The following OVCH1 variants were observed in gnomAD, a reference collection of about 807,000 sequenced individuals.
OVCH1 encodes the protein ovochymase 1, also known as ovochymase-1.
In OVCH1, 139 loss-of-function variants were observed where a neutral mutation model predicts 138.4. The ratio of observed to expected loss-of-function variants is 1.00; its 90% CI spans 0.87 to 1.16. OVCH1 has a LOEUF of 1.16. Ranked by LOEUF, OVCH1 falls within the 50% of genes most tolerant of loss-of-function variation. The pLI, the probability that OVCH1 is intolerant of heterozygous loss-of-function variation, is 0.00. For missense variants in OVCH1, 1,367 were observed against 1,357.9 expected (o/e 1.01, Z -0.11); for synonymous variants, 453 against 467.8 (o/e 0.97, Z 0.41).
At chr12:29,469,618 G>T (rs1275789087) in intron 16 of OVCH1, among the ~76,000 whole-genome samples, 1 of 151,946 alleles carries the variant, frequency 6.6e-6, no homozygotes, top group Non-Finnish European at 1.5e-5. Flanking sequence ...TGTGGGTCAC[G>T]CCTGTAATCC....
intron 4 of OVCH1, 106 bp from the exon 5 acceptor site, chr12:29,491,298 A>G: frequency 1.1e-6 from 1 of 922,440 alleles, no homozygotes; most frequent in Non-Finnish European, 1.6e-6. Flanking sequence ...TTTCTTCCTA[A>G]ATGTAATGGT....
At chr12:29,434,012 C>A (rs2135905209) in intron 26 of OVCH1, among the ~76,000 whole-genome samples, 1 of 142,208 alleles carries the variant, frequency 7.0e-6, no homozygotes, top group South Asian at 2.2e-4. Flanking sequence ...AATATAATGG[C>A]AAATGTTTCT....
downstream of OVCH1, among the ~76,000 whole-genome samples, chr12:29,409,285 G>C (rs994442747): frequency 3.3e-5 from 5 of 152,060 alleles, no homozygotes; most frequent in African/African-American, 1.2e-4. Context: ...TGTTTTGAAG[G>C]GTTTTTTGTG....
chr12:29,433,906 G>T, intron 26 of OVCH1: 40 of 1,141,180 alleles, frequency 3.5e-5, no homozygotes, highest in Non-Finnish European at 4.6e-5. Context: ...AGGTAAAATG[G>T]GCAGTAAAGC....
intron 3 of OVCH1, among the ~76,000 whole-genome samples, chr12:29,495,832 C>T (rs1425456327): frequency 2.6e-5 from 4 of 152,104 alleles, no homozygotes; most frequent in African/African-American, 7.2e-5. Flanking sequence ...GTAATTTCTG[C>T]AGTTTTTTCC....
chr12:29,463,794 T>C (rs1942220245), intron 18 of OVCH1, among the ~76,000 whole-genome samples: 1 of 152,166 alleles, frequency 6.6e-6, no homozygotes, highest in African/African-American at 2.4e-5. Flanking sequence ...ATATCAACAC[T>C]GTAAGCAGTC....
chr12:29,473,699 A>G (rs1179008524), intron 14 of OVCH1, among the ~76,000 whole-genome samples: 1 of 152,164 alleles, frequency 6.6e-6, no homozygotes, highest in African/African-American at 2.4e-5. Flanking sequence ...GTGATGGTTA[A>G]TACTGAGTGT....
At chr12:29,410,812 T>G (rs1940944616), downstream of OVCH1, among the ~76,000 whole-genome samples, 1 of 151,022 alleles carries the variant, frequency 6.6e-6, no homozygotes, top group Non-Finnish European at 1.5e-5. Context: ...TCTTGAGGAG[T>G]ATCTTTGTGG....
intron 2 of OVCH1, 113 bp downstream of exon 2, chr12:29,496,443 A>C (rs990038736): frequency 4.4e-6 from 5 of 1,143,966 alleles, no homozygotes; most frequent in Non-Finnish European, 5.0e-6. Flanking sequence ...TTTGGTAGAG[A>C]GCTAGAGGGG....
downstream of OVCH1, among the ~76,000 whole-genome samples, chr12:29,408,116 A>G (rs1255145994): frequency 1.5e-5 from 2 of 133,292 alleles, no homozygotes; most frequent in African/African-American, 2.5e-5. Context: ...TTTGTCTGTT[A>G]TTGGTGTATA....
At chr12:29,414,495 G>A (rs1941006573) in intron 3 of OVCH1, among the ~76,000 whole-genome samples, 1 of 152,130 alleles carries the variant, frequency 6.6e-6, no homozygotes, top group African/African-American at 2.4e-5. Flanking sequence ...AAATAAATCT[G>A]TGCAGTTGTG....
intron 3 of OVCH1, among the ~76,000 whole-genome samples, chr12:29,414,579 G>C (rs1223360718): frequency 6.6e-6 from 1 of 152,084 alleles, no homozygotes; most frequent in Non-Finnish European, 1.5e-5. Context: ...TTGCTACATT[G>C]CCTGACTTTT....
chr12:29,422,225 A>G (rs942341299), intron 3 of OVCH1, among the ~76,000 whole-genome samples: 2 of 152,200 alleles, frequency 1.3e-5, no homozygotes, highest in Admixed American at 6.5e-5. Context: ...GGCAATAGAA[A>G]TATTTTTACT....
chr12:29,478,850 T>A (rs757884424), exon 9 of OVCH1: 4 of 1,590,384 alleles, frequency 2.5e-6, no homozygotes, highest in African/African-American at 1.4e-5. Flanking sequence ...AGCACTCCAC[T>A]GCTTGATCGT....
chr12:29,406,476 C>G, the OVCH1 span, among the ~76,000 whole-genome samples: 1 of 151,794 alleles, frequency 6.6e-6, no homozygotes, highest in East Asian at 1.9e-4. Flanking sequence ...CCACAACAGT[C>G]CCCAGAGTGT....
intron 22 of OVCH1, among the ~76,000 whole-genome samples, chr12:29,447,841 T>C (rs1185738581): frequency 6.6e-6 from 1 of 151,952 alleles, no homozygotes; most frequent in African/African-American, 2.4e-5. Context: ...TTTCAGGAGG[T>C]GACTATTCTC....
At chr12:29,452,310 C>A (rs956699031) in intron 21 of OVCH1, among the ~76,000 whole-genome samples, 1 of 152,044 alleles carries the variant, frequency 6.6e-6, no homozygotes, top group Non-Finnish European at 1.5e-5. Flanking sequence ...GGAGGAGGTA[C>A]GTAAACATGC....
downstream of OVCH1, chr12:29,427,455 G>A: frequency 7.1e-7 from 1 of 1,407,244 alleles, no homozygotes; most frequent in Non-Finnish European, 9.6e-7. Flanking sequence ...TTGTATGATA[G>A]AGGAGGTCTC....
chr12:29,446,010 G>A (rs1158834171), intron 22 of OVCH1, among the ~76,000 whole-genome samples: 1 of 152,040 alleles, frequency 6.6e-6, no homozygotes, highest in Non-Finnish European at 1.5e-5. Context: ...AGAGATACCT[G>A]CTGATTGTAC....
Sources: allele counts gnomAD v4.1 joint callset (sites outside exome capture counted in the v4.1 genomes callset), GRCh38; gene constraint gnomAD v4.1.1; transcripts MANE v1.5; gene names NCBI Gene and HGNC (gene_info 2026-07-23, HGNC 2026-07-21).